Variants in TASP1 observed in about 807,000 individuals in gnomAD.
TASP1 encodes threonine aspartase 1.
Under a neutral mutation model 56.6 loss-of-function variants are expected in TASP1, and 16 were observed. The observed-to-expected ratio is 0.28, with a 90% CI of 0.19 to 0.43. The LOEUF (loss-of-function observed/expected upper bound fraction) is 0.43. Among genes scored for constraint, TASP1 ranks in the 20% least tolerant of loss-of-function variants. The probability of loss-of-function intolerance (pLI) is 1.00; values close to 1 mark genes in which losing one functional copy is unlikely to be tolerated. For missense variants in TASP1, 393 were observed against 511.6 expected (o/e 0.77, Z 2.24); for synonymous variants, 179 against 184.2 (o/e 0.97, Z 0.23).
At chr20:13,300,779 G>A in the TASP1 span, 2 of 152,238 alleles carry the variant, frequency 1.3e-5, no homozygotes. Context: ...TGACATGATT[G>A]TGGGTGGTGT....
the TASP1 span, among the ~76,000 whole-genome samples, chr20:13,175,371 C>G: frequency 6.6e-6 from 1 of 152,160 alleles, no homozygotes; most frequent in Admixed American, 6.5e-5. Flanking sequence ...GCTGTAATAG[C>G]TAAGCTGAAA....
At chr20:13,495,404 T>G (rs2043684706) in intron 10 of TASP1, among the ~76,000 whole-genome samples, 1 of 152,158 alleles carries the variant, frequency 6.6e-6, no homozygotes. Flanking sequence ...TGCTTATCCC[T>G]TTCTCTATTC....
At chr20:13,116,312 C>A in the TASP1 span, among the ~76,000 whole-genome samples, 1 of 152,172 alleles carries the variant, frequency 6.6e-6, no homozygotes, top group Admixed American at 6.5e-5. Flanking sequence ...TTGAACTAAC[C>A]TAAACGGTTG....
At chr20:13,549,424 GTGTGTGTGTGTGTGTA>G (rs1220012462) in intron 8 of TASP1, among the ~76,000 whole-genome samples, 3 of 150,778 alleles carry the variant, frequency 2.0e-5, no homozygotes, top group African/African-American at 7.3e-5. Context: ...CTTGTAATAG[GTGTGTGTGTGTGTGTA>G]TGTGTGTGTG....
chr20:13,346,497 T>A, the TASP1 span, among the ~76,000 whole-genome samples: 2 of 152,180 alleles, frequency 1.3e-5, no homozygotes, highest in East Asian at 3.9e-4. Context: ...TGAGCCTGCA[T>A]CTAACCCATT....
the TASP1 span, among the ~76,000 whole-genome samples, chr20:13,221,242 T>C: frequency 7.1e-6 from 1 of 139,948 alleles, no homozygotes; most frequent in Non-Finnish European, 1.6e-5. Flanking sequence ...CTCCTCCTCC[T>C]CCTCCTCCTC....
the TASP1 span, among the ~76,000 whole-genome samples, chr20:13,252,318 C>A: frequency 6.6e-6 from 1 of 152,174 alleles, no homozygotes; most frequent in Admixed American, 6.5e-5. Flanking sequence ...TTAGATTGTC[C>A]TTCTTCACCT....
At chr20:13,300,565 G>A in the TASP1 span, 1 of 152,066 alleles carries the variant, frequency 6.6e-6, no homozygotes, top group Non-Finnish European at 1.5e-5. Context: ...GTAGAACTTA[G>A]GAAAAATAAA....
the TASP1 span, among the ~76,000 whole-genome samples, chr20:13,178,502 G>A: frequency 3.0e-4 from 46 of 152,074 alleles, no homozygotes; most frequent in Admixed American, 5.2e-4. Flanking sequence ...GATCTACCTA[G>A]GTATCCAACA....
chr20:13,119,956 C>A, the TASP1 span, among the ~76,000 whole-genome samples: 1 of 152,130 alleles, frequency 6.6e-6, no homozygotes, highest in African/African-American at 2.4e-5. Context: ...CTTAATGAGC[C>A]CATGATTTGA....
the TASP1 span, among the ~76,000 whole-genome samples, chr20:13,371,509 G>A: frequency 3.5e-4 from 53 of 152,226 alleles, 1 homozygote; most frequent in South Asian, 0.011. Context: ...TGTGATCAGA[G>A]GACGTATATT....
chr20:13,621,273 A>T (rs925005454), intron 4 of TASP1, among the ~76,000 whole-genome samples: 1 of 151,830 alleles, frequency 6.6e-6, no homozygotes, highest in Non-Finnish European at 1.5e-5. Context: ...AAAAAAAAAA[A>T]TACAAAAATT....
At chr20:13,508,692 C>T (rs2044217167) in intron 10 of TASP1, among the ~76,000 whole-genome samples, 2 of 152,090 alleles carry the variant, frequency 1.3e-5, no homozygotes, top group African/African-American at 4.8e-5. Context: ...ATGAATAGGA[C>T]ATTCTCCCAA....
At chr20:13,531,501 T>C (rs1311686530) in intron 9 of TASP1, among the ~76,000 whole-genome samples, 2 of 147,030 alleles carry the variant, frequency 1.4e-5, no homozygotes, top group Non-Finnish European at 3.0e-5. Flanking sequence ...TTTTTTTTTT[T>C]CTTTTTTTTG....
At chr20:13,211,898 C>T in the TASP1 span, among the ~76,000 whole-genome samples, 1 of 151,914 alleles carries the variant, frequency 6.6e-6, no homozygotes, top group African/African-American at 2.4e-5. Context: ...TAAGTAACGC[C>T]CTTGATTTTT....
the TASP1 span, chr20:13,244,058 G>A: frequency 6.6e-6 from 1 of 152,198 alleles, no homozygotes; most frequent in Non-Finnish European, 1.5e-5. Flanking sequence ...CAGAAAGAGA[G>A]CCCTGTTAGC....
At chr20:13,356,057 C>T in the TASP1 span, among the ~76,000 whole-genome samples, 2 of 152,208 alleles carry the variant, frequency 1.3e-5, no homozygotes, top group East Asian at 1.9e-4. Flanking sequence ...TTTCATCTCA[C>T]TCTTTATTCC....
At chr20:13,440,645 A>G (rs1315295445) in intron 11 of TASP1, among the ~76,000 whole-genome samples, 1 of 151,762 alleles carries the variant, frequency 6.6e-6, no homozygotes, top group African/African-American at 2.4e-5. Context: ...GTGAATAGCT[A>G]GAGTAAACAA....
At chr20:13,320,254 T>G in the TASP1 span, among the ~76,000 whole-genome samples, 1 of 152,068 alleles carries the variant, frequency 6.6e-6, no homozygotes, top group Non-Finnish European at 1.5e-5. Context: ...AGAGTGTGAG[T>G]TGAGCAAAAA....
Sources: allele counts gnomAD v4.1 joint callset (sites outside exome capture counted in the v4.1 genomes callset), GRCh38; gene constraint gnomAD v4.1.1; transcripts MANE v1.5; gene names NCBI Gene and HGNC (gene_info 2026-07-23, HGNC 2026-07-21).